NTM: variants seen among roughly 807,000 people sequenced by gnomAD.
NTM encodes the protein neurotrimin, also known as IgLON family member 2.
In NTM, 13 loss-of-function variants were observed where a neutral mutation model predicts 42.1. The observed-to-expected ratio is 0.31, with a 90% CI of 0.20 to 0.49. The LOEUF (loss-of-function observed/expected upper bound fraction) is 0.49, where lower values mean the gene tolerates loss of function less well. Among genes scored for constraint, NTM ranks in the 20% least tolerant of loss-of-function variants. The pLI is 0.99. For missense variants in NTM, 373 were observed against 452.8 expected, an observed-to-expected ratio of 0.82 and a Z score of 1.60; for synonymous variants, 187 against 179.2, an observed-to-expected ratio of 1.04 and a Z score of -0.35.
intron 1 of NTM, among the ~76,000 whole-genome samples, chr11:131,838,191 C>T (rs1056038662): frequency 6.6e-6 from 1 of 151,950 alleles, no homozygotes; most frequent in Non-Finnish European, 1.5e-5. Flanking sequence ...ATGCAGGGGG[C>T]GGGGTGTAGA....
chr11:132,217,275 G>T (rs992037589), intron 4 of NTM, among the ~76,000 whole-genome samples: 5 of 152,006 alleles, frequency 3.3e-5, no homozygotes, highest in Admixed American at 6.6e-5. Context: ...AAAAGGAAAA[G>T]AAAGAAATCA....
intron 1 of NTM, among the ~76,000 whole-genome samples, chr11:131,656,859 C>A (rs956768117): frequency 3.9e-5 from 6 of 152,094 alleles, no homozygotes; most frequent in Non-Finnish European, 5.9e-5. Context: ...AAGAAGATGA[C>A]CTACTTCTGC....
At chr11:131,807,120 A>G (rs1448524870) in intron 1 of NTM, among the ~76,000 whole-genome samples, 1 of 152,206 alleles carries the variant, frequency 6.6e-6, no homozygotes, top group Non-Finnish European at 1.5e-5. Flanking sequence ...AGTACAGAGC[A>G]CAAAGGCCCT....
chr11:131,569,312 T>A (rs908259277), intron 1 of NTM, among the ~76,000 whole-genome samples: 1 of 147,334 alleles, frequency 6.8e-6, no homozygotes, highest in African/African-American at 2.5e-5. Context: ...GCCTGGCTAA[T>A]TTTTGTATGT....
intron 1 of NTM, among the ~76,000 whole-genome samples, chr11:131,634,086 G>A (rs1363093093): frequency 1.3e-5 from 2 of 152,166 alleles, no homozygotes; most frequent in African/African-American, 4.8e-5. Context: ...AGATCTGTTT[G>A]CACATGAGCT....
chr11:131,935,701 T>C (rs2059135672), intron 2 of NTM, among the ~76,000 whole-genome samples: 1 of 152,184 alleles, frequency 6.6e-6, no homozygotes, highest in Non-Finnish European at 1.5e-5. Context: ...GTTGCCTGAT[T>C]TCCTCATCCA....
chr11:131,931,468 CGTGTGTGT>C (rs147069139), intron 2 of NTM, among the ~76,000 whole-genome samples: 143 of 142,706 alleles, frequency 1.0e-3, no homozygotes, highest in African/African-American at 3.0e-3. Context: ...ATAATATATA[CGTGTGTGT>C]GTGTGTGTGT....
chr11:131,823,859 G>A (rs2093289050), intron 1 of NTM, among the ~76,000 whole-genome samples: 2 of 152,158 alleles, frequency 1.3e-5, no homozygotes, highest in Non-Finnish European at 2.9e-5. Flanking sequence ...GCCTATGTTT[G>A]CATTTAAAGT....
chr11:131,747,140 G>C (rs2081924429), intron 1 of NTM, among the ~76,000 whole-genome samples: 1 of 152,148 alleles, frequency 6.6e-6, no homozygotes, highest in Non-Finnish European at 1.5e-5. Context: ...ATATGCTAGA[G>C]GGAAACTAAG....
chr11:131,698,926 A>T (rs1413383104), intron 1 of NTM, among the ~76,000 whole-genome samples: 1 of 152,164 alleles, frequency 6.6e-6, no homozygotes, highest in African/African-American at 2.4e-5. Flanking sequence ...TTACCTTGAT[A>T]TTGGGAAGTG....
At chr11:131,958,111 C>A (rs190150070) in intron 2 of NTM, among the ~76,000 whole-genome samples, 9 of 152,248 alleles carry the variant, frequency 5.9e-5, no homozygotes, top group African/African-American at 1.9e-4. Flanking sequence ...TTAGCAGAAA[C>A]CTTGTAAAAT....
chr11:131,501,824 C>A (rs2046869475), intron 1 of NTM, among the ~76,000 whole-genome samples: 1 of 151,890 alleles, frequency 6.6e-6, no homozygotes, highest in Non-Finnish European at 1.5e-5. Context: ...GATGGTGACA[C>A]CATTTATTAA....
intron 2 of NTM, among the ~76,000 whole-genome samples, chr11:131,922,857 T>A (rs532846411): frequency 6.6e-6 from 1 of 152,326 alleles, no homozygotes; most frequent in South Asian, 2.1e-4. Flanking sequence ...TTTAATCGCC[T>A]GGTGCCTATG....
chr11:131,508,623 T>G (rs2136436628), intron 1 of NTM, among the ~76,000 whole-genome samples: 1 of 149,936 alleles, frequency 6.7e-6, no homozygotes, highest in South Asian at 2.2e-4. Context: ...TAGCAAAGAC[T>G]TGGAACCAAC....
At chr11:131,982,412 G>A (rs757607639) in intron 2 of NTM, among the ~76,000 whole-genome samples, 1 of 152,156 alleles carries the variant, frequency 6.6e-6, no homozygotes, top group Non-Finnish European at 1.5e-5. Context: ...AAGGGACAGC[G>A]ATGGCAGGAA....
At chr11:131,930,719 A>G (rs1423377404) in intron 2 of NTM, among the ~76,000 whole-genome samples, 1 of 152,184 alleles carries the variant, frequency 6.6e-6, no homozygotes, top group Non-Finnish European at 1.5e-5. Flanking sequence ...GACTTTTACC[A>G]AATATATAAT....
At chr11:131,428,914 G>C (rs567080933) in intron 1 of NTM, among the ~76,000 whole-genome samples, 1 of 149,380 alleles carries the variant, frequency 6.7e-6, no homozygotes, top group Non-Finnish European at 1.5e-5. Context: ...AATTAGCCAG[G>C]CCTGGTGGTG....
rs397743036 is a variant in NTM at position 131,501,895 on chromosome 11, G to GTGCA, written c.82+131007_82+131008insTGCA. 1.6e-3 allele frequency among the ~76,000 whole-genome samples: 250 copies of GTGCA among 152,084 alleles called. 1 individual carries two copies. The highest frequency in any genetic ancestry group is 5.6e-3 in the African/African-American group (232 of 41,476). On this transcript the variant is annotated intron_variant, in intron 1 of 8. Coordinates refer to ENST00000683400, the MANE Select transcript of NTM (RefSeq NM_001352005.2). ...TGTGTGTGAGTGTGTGTGTGTGTGT[G>GTGCA]CACATGTGATCAATGGATGAGCCTG...
chr11:132,084,601 T>C (rs958625144), intron 2 of NTM, among the ~76,000 whole-genome samples: 1 of 152,178 alleles, frequency 6.6e-6, no homozygotes, highest in Non-Finnish European at 1.5e-5. Flanking sequence ...AAACACTTGA[T>C]GTTGTGAACT....
Sources: gnomAD v4.1 joint callset for allele counts (sites outside exome capture counted in the v4.1 genomes callset) on GRCh38, gnomAD v4.1.1 for gene constraint, MANE v1.5 for transcripts, NCBI Gene and HGNC (gene_info 2026-07-23, HGNC 2026-07-21) for gene names.